MLLT10: variants seen among roughly 807,000 people sequenced by gnomAD.
MLLT10 encodes the protein MLLT10 histone lysine methyltransferase DOT1L cofactor.
Under a neutral mutation model 129.1 loss-of-function variants are expected in MLLT10, and 30 were observed. That is an observed-to-expected ratio of 0.23 (90% CI 0.17 to 0.32). The LOEUF (loss-of-function observed/expected upper bound fraction) is 0.32. Ranked by LOEUF, MLLT10 falls within the 10% of genes least tolerant of loss-of-function variation. The probability of loss-of-function intolerance (pLI) is 1.00; values close to 1 mark genes in which losing one functional copy is unlikely to be tolerated. For synonymous variants in MLLT10, 490 were observed against 446.4 expected (o/e 1.10, Z -1.23); for missense variants, 1,119 against 1,268.3 (o/e 0.88, Z 1.79).
chr10:21,732,882 A>G lies in MLLT10; in HGVS notation c.2219-17A>G. 2 of 1,609,498 alleles carry G rather than the reference A, an allele frequency of 1.2e-6. No individual in the cohort carries two copies. Among genetic ancestry groups the G allele is most frequent in the Non-Finnish European group, 1.7e-6 (2 of 1,177,598 alleles). On this transcript the variant is annotated splice_polypyrimidine_tract_variant and intron_variant, in intron 17 of 22. Transcript: ENST00000307729. ...TGTGTACTTGTCATTATTAAAAACT[A>G]TCCAAATGTGTGGTAGTTTTAGGAA...
intron 8 of MLLT10, among the ~76,000 whole-genome samples, chr10:21,639,902 T>C (rs1396566132): frequency 6.6e-6 from 1 of 151,896 alleles, no homozygotes; most frequent in Non-Finnish European, 1.5e-5. Context: ...ATGGCCTGTC[T>C]TGGGGAGAAA....
At position 21,673,361 on chromosome 10, in the gene MLLT10, G is replaced by C. The variant is rs1294559418; in HGVS notation, c.1063G>C (p.Gly355Arg). Residue 355 changes from glycine to arginine, a missense_variant, in exon 11 of 23, where the codon GGA (glycine) becomes CGA (arginine). By Grantham distance (125) the Gly-to-Arg change is moderately radical (BLOSUM62 -2). Around this residue, in one of 5 missense-constraint regions of MLLT10, gnomAD observed 1,004 missense variants for 1,008.7 expected, o/e 1.00. Coordinates refer to ENST00000307729, the MANE Select transcript of MLLT10 (RefSeq NM_001195626.3). Reference protein sequence around the residue: ...ASPFPQGSFSGTPGSVKSSSG... With the variant: ...ASPFPQGSFSRTPGSVKSSSG... ...TTTTTAAACTACAGGCAGTTTTTCA[G>C]GAACTCCAGGCAGTGTAAAGTCATC... is the stretch of plus-strand genomic sequence containing the variant. 2 of 941,322 alleles carry C rather than the reference G, an allele frequency of 2.1e-6. No homozygotes were observed. The highest frequency in any genetic ancestry group is 2.7e-6 in the Non-Finnish European group (2 of 752,828). The allele number at this position is 941,322 out of a possible 1,614,324, so 58.3% of individuals were successfully genotyped here.
At chr10:21,670,351 T>TA (rs1185325853) in intron 9 of MLLT10, 98 bp from the exon 10 acceptor site, 3 of 1,182,264 alleles carry the variant, frequency 2.5e-6, no homozygotes, top group Non-Finnish European at 3.4e-6. Context: ...ACTTTGTGTT[T>TA]ATTCTGCAAG....
intron 14 of MLLT10, 120 bp from the exon 15 acceptor site, chr10:21,726,124 G>C: frequency 1.5e-6 from 1 of 674,344 alleles, no homozygotes; most frequent in Non-Finnish European, 2.4e-6. Flanking sequence ...TTTTCAGAAG[G>C]TCACAAATTT....
At chr10:21,597,263 G>A (rs2043111580) in intron 5 of MLLT10, among the ~76,000 whole-genome samples, 2 of 152,048 alleles carry the variant, frequency 1.3e-5, no homozygotes, top group African/African-American at 2.4e-5. Flanking sequence ...AATTAACAGC[G>A]ATACATTATT....
At chr10:21,682,363 C>T (rs2052828920) in intron 13 of MLLT10, 106 bp downstream of exon 13, 1 of 1,024,100 alleles carries the variant, frequency 9.8e-7, no homozygotes, top group South Asian at 1.6e-5. Flanking sequence ...AGATGAAATC[C>T]AGTGCTGCAG....
At chr10:21,551,379 A>G (rs1224324975) in intron 3 of MLLT10, among the ~76,000 whole-genome samples, 1 of 146,284 alleles carries the variant, frequency 6.8e-6, no homozygotes, top group Non-Finnish European at 1.5e-5. Context: ...TTTAAATAGA[A>G]TGTCTTTAAA....
intron 9 of MLLT10, among the ~76,000 whole-genome samples, chr10:21,665,420 C>A (rs2050689654): frequency 6.6e-6 from 1 of 151,478 alleles, no homozygotes; most frequent in Non-Finnish European, 1.5e-5. Context: ...TCCTGAATAG[C>A]TGGGATTACA....
At chr10:21,549,141 T>TA (rs397786871) in intron 3 of MLLT10, among the ~76,000 whole-genome samples, 2 of 149,172 alleles carry the variant, frequency 1.3e-5, no homozygotes, top group Non-Finnish European at 3.0e-5. Flanking sequence ...TTTTTTTTTT[T>TA]AGACTTGAGT....
intron 13 of MLLT10, among the ~76,000 whole-genome samples, chr10:21,712,358 CA>C (rs1295432393): frequency 6.6e-6 from 1 of 152,114 alleles, no homozygotes; most frequent in Non-Finnish European, 1.5e-5. Context: ...GGACTACAGG[CA>C]TGTGCCACCA....
In MLLT10 at chr10:21,742,216, GGAAA is replaced by G; in HGVS notation, c.*238_*241del. ...CCCCTTACCCCAGTTTTTTGAACAT[GGAAA>G]GAAAATTTAATAACTTTTTAAAGTG... On this transcript the variant is annotated 3_prime_UTR_variant, in exon 23 of 23. Coordinates refer to ENST00000307729, the MANE Select transcript of MLLT10 (RefSeq NM_001195626.3). The G allele has an allele frequency of 2.4e-6, 1 of 408,846 alleles. No individual in the cohort carries two copies. The highest frequency in any genetic ancestry group is 2.0e-5 in the African/African-American group (1 of 49,018). The allele number at this position is 408,846 out of a possible 1,614,324, so 25.3% of individuals were successfully genotyped here.
At position 21,544,870 on chromosome 10, in the gene MLLT10, G is replaced by A. The variant is rs1588828098; in HGVS notation, c.240+5958G>A. Among the ~76,000 whole-genome samples, 3 of 152,352 alleles carry A rather than the reference G, an allele frequency of 2.0e-5. No homozygotes were observed. In the South Asian group the frequency reaches 6.2e-4, roughly 32 times the overall value. On this transcript the variant is annotated intron_variant, in intron 3 of 22. Coordinates refer to ENST00000307729, the MANE Select transcript of MLLT10 (RefSeq NM_001195626.3). ...CTAAAATTTTTGTATTGGAGGCCGGGCGCTGTGTCTTATGCCTGTAATCCC... is the reference window on the plus strand; with the variant it reads ...CTAAAATTTTTGTATTGGAGGCCGGACGCTGTGTCTTATGCCTGTAATCCC...
At chr10:21,639,119 C>G (rs1236093272) in intron 8 of MLLT10, among the ~76,000 whole-genome samples, 6 of 152,224 alleles carry the variant, frequency 3.9e-5, no homozygotes, top group African/African-American at 1.2e-4. Flanking sequence ...ATTCTCTCAT[C>G]ACCAAACTGT....
In MLLT10 at chr10:21,727,808, T is replaced by G. The variant is rs371107620; in HGVS notation, c.1991-48T>G. 4.3e-5 allele frequency: 63 copies of G among 1,466,418 alleles called. 1 individual carries two copies. The highest frequency in any genetic ancestry group is 5.8e-5 in the Non-Finnish European group (61 of 1,049,558). The allele number at this position is 1,466,418 out of a possible 1,614,324, so 90.8% of individuals were successfully genotyped here. A position where few individuals can be genotyped will look rare whatever the true frequency, so the allele number is the denominator to read the frequency against. ...AATCAGGGCAAGAGTTTAAAACCTC[T>G]TATCTAGTGAGAGTCACTTTATCAG... On this transcript the variant is annotated intron_variant, in intron 15 of 22. Transcript: ENST00000307729.
intron 22 of MLLT10, among the ~76,000 whole-genome samples, chr10:21,741,085 CTT>C (rs1412468957): frequency 6.6e-6 from 1 of 152,134 alleles, no homozygotes; most frequent in Non-Finnish European, 1.5e-5. Context: ...TCTTCAGAAA[CTT>C]TAGTTTGTAC....
At chr10:21,569,470 G>C (rs1429932411) in intron 3 of MLLT10, among the ~76,000 whole-genome samples, 2 of 151,642 alleles carry the variant, frequency 1.3e-5, no homozygotes, top group Admixed American at 6.6e-5. Flanking sequence ...GCCCAGGCTG[G>C]AGTGCAGTGG....
intron 11 of MLLT10, among the ~76,000 whole-genome samples, chr10:21,679,051 T>C (rs1462877461): frequency 6.6e-6 from 1 of 152,224 alleles, no homozygotes; most frequent in Non-Finnish European, 1.5e-5. Flanking sequence ...CTGGGAACTG[T>C]AGATCAAATT....
chr10:21,670,882 T>C, intron 10 of MLLT10, 178 bp downstream of exon 10: 1 of 640,992 alleles, frequency 1.6e-6, no homozygotes, highest in Non-Finnish European at 2.4e-6. Context: ...ATTTTTTTAA[T>C]AGGGACTTTT....
intron 3 of MLLT10, among the ~76,000 whole-genome samples, chr10:21,578,296 C>G (rs115332864): frequency 6.6e-6 from 1 of 152,100 alleles, no homozygotes; most frequent in Non-Finnish European, 1.5e-5. Context: ...CTATTTAGAT[C>G]CTTTGTTCAA....
Sources: gnomAD v4.1 joint callset for allele counts (sites outside exome capture counted in the v4.1 genomes callset) on GRCh38, gnomAD v4.1.1 for gene constraint, gnomAD v4.1.1 regional missense constraint, MANE v1.5 for transcripts, NCBI Gene and HGNC (gene_info 2026-07-23, HGNC 2026-07-21) for gene names.